BNC2: variants seen among roughly 807,000 people sequenced by gnomAD.
The protein encoded by BNC2 is zinc finger protein basonuclin-2.
Under a neutral mutation model 76.3 loss-of-function variants are expected in BNC2, and 20 were observed. The ratio of observed to expected loss-of-function variants is 0.26; its 90% CI spans 0.18 to 0.38. The LOEUF is 0.38. Among genes scored for constraint, BNC2 ranks in the 10% least tolerant of loss-of-function variants. The pLI is 1.00. For synonymous variants in BNC2, 582 were observed against 514.8 expected (o/e 1.13, Z -1.77); for missense variants, 1,382 against 1,399.8 (o/e 0.99, Z 0.20).
chr9:16,502,476 T>C (rs1030307694), intron 5 of BNC2, among the ~76,000 whole-genome samples: 10 of 152,164 alleles, frequency 6.6e-5, no homozygotes, highest in African/African-American at 2.4e-4. Context: ...TAACATTCCA[T>C]AGAATAAATG....
At chr9:16,868,488 T>C (rs1005184058) in intron 1 of BNC2, among the ~76,000 whole-genome samples, 2 of 152,190 alleles carry the variant, frequency 1.3e-5, no homozygotes, top group East Asian at 3.9e-4. Context: ...CTAATATTAA[T>C]TGTAAAATAT....
intron 5 of BNC2, among the ~76,000 whole-genome samples, chr9:16,472,432 C>G (rs1343931813): frequency 2.0e-5 from 3 of 152,184 alleles, no homozygotes; most frequent in Non-Finnish European, 1.5e-5. Context: ...AAAACATGTT[C>G]TGGTAGCTTT....
chr9:16,537,665 G>C (rs994580335), intron 5 of BNC2, among the ~76,000 whole-genome samples: 3 of 152,046 alleles, frequency 2.0e-5, no homozygotes, highest in Non-Finnish European at 4.4e-5. Context: ...TTTAACAAAA[G>C]CCAAACCTTG....
intron 1 of BNC2, among the ~76,000 whole-genome samples, chr9:16,845,140 GC>G: frequency 6.6e-6 from 1 of 152,272 alleles, no homozygotes; most frequent in Non-Finnish European, 1.5e-5. Flanking sequence ...CTGCCAGGAT[GC>G]CCCATGTTTT....
Position 16,724,057 on chromosome 9 carries a change from T to C in BNC2, c.330+3740A>G, listed in dbSNP as rs73646205. On this transcript the variant is annotated intron_variant, in intron 3 of 6. Transcript: ENST00000380672. ...CAGAGAGTCATTTATAATCCTAACT[T>C]AGTATTTCACTCAAGTATGAAAAAA... Among the ~76,000 whole-genome samples, 919 of 151,978 alleles carry C rather than the reference T, an allele frequency of 6.0e-3. 26 individuals carry two copies. The East Asian group carries it at 0.077, about 13-fold the overall frequency.
intron 1 of BNC2, among the ~76,000 whole-genome samples, chr9:16,789,459 T>C (rs981256912): frequency 1.3e-4 from 20 of 152,158 alleles, no homozygotes; most frequent in South Asian, 2.1e-4. Flanking sequence ...GGCCCATATC[T>C]TACCCTACAC....
At chr9:16,749,039 G>C (rs988092495) in intron 1 of BNC2, among the ~76,000 whole-genome samples, 16 of 130,918 alleles carry the variant, frequency 1.2e-4, no homozygotes, top group Non-Finnish European at 2.1e-4. Context: ...GCAATATATG[G>C]GGGAATGACT....
chr9:16,729,869 T>C (rs1239751232), intron 2 of BNC2, among the ~76,000 whole-genome samples: 1 of 151,910 alleles, frequency 6.6e-6, no homozygotes, highest in African/African-American at 2.4e-5. Flanking sequence ...TAATGGCTGT[T>C]ATTTGTGGGA....
chr9:16,757,668 G>C (rs10962567), intron 1 of BNC2, among the ~76,000 whole-genome samples: 33,040 of 150,954 alleles, frequency 0.22, 4,648 homozygotes, highest in East Asian at 0.76. Flanking sequence ...AACAATTATT[G>C]ACTGCCTACT....
chr9:16,771,531 T>A (rs1390348854), intron 1 of BNC2, among the ~76,000 whole-genome samples: 1 of 152,208 alleles, frequency 6.6e-6, no homozygotes, highest in Non-Finnish European at 1.5e-5. Context: ...AGGCAGAGTA[T>A]GTGTCACAGT....
At chr9:16,681,590 TCACA>T (rs746122220) in intron 3 of BNC2, among the ~76,000 whole-genome samples, 4 of 151,840 alleles carry the variant, frequency 2.6e-5, no homozygotes, top group Non-Finnish European at 4.4e-5. Context: ...ACACACAAAC[TCACA>T]CACACACTCA....
chr9:16,718,340 T>C lies in BNC2; in HGVS notation c.330+9457A>G, dbSNP rs1472398929. Among the ~76,000 whole-genome samples, 3 of 152,160 alleles carry C rather than the reference T, an allele frequency of 2.0e-5. No homozygotes were observed. In the East Asian group the frequency reaches 5.8e-4, roughly 29 times the overall value. ...TTCTTCTTATCCCTTCCTACTTACA[T>C]TATAATAGATGACAAAAATAAAGTA... On this transcript the variant is annotated intron_variant, in intron 3 of 6. Coordinates refer to ENST00000380672, the MANE Select transcript of BNC2 (RefSeq NM_017637.6).
chr9:16,740,754 G>C (rs556410294), intron 1 of BNC2, among the ~76,000 whole-genome samples: 1 of 152,254 alleles, frequency 6.6e-6, no homozygotes, highest in African/African-American at 2.4e-5. Context: ...GAGAGAAAAC[G>C]ATATTGAAGA....
chr9:16,607,149 C>T (rs1003993401), intron 3 of BNC2, among the ~76,000 whole-genome samples: 79 of 152,152 alleles, frequency 5.2e-4, no homozygotes, highest in African/African-American at 1.8e-3. Flanking sequence ...GAAACAGAGT[C>T]TCACCATGTT....
intron 3 of BNC2, among the ~76,000 whole-genome samples, chr9:16,694,074 T>A (rs142466747): frequency 6.6e-6 from 1 of 152,260 alleles, no homozygotes; most frequent in East Asian, 1.9e-4. Flanking sequence ...GGCATTTTTT[T>A]AGAAAAGAGT....
At chr9:16,734,662 A>G (rs1287017581) in intron 2 of BNC2, among the ~76,000 whole-genome samples, 2 of 152,356 alleles carry the variant, frequency 1.3e-5, no homozygotes, top group South Asian at 2.1e-4. Flanking sequence ...GGTTTTTGCC[A>G]AAGTATTGTG....
intron 2 of BNC2, among the ~76,000 whole-genome samples, chr9:16,737,245 T>G (rs1824700827): frequency 2.1e-5 from 3 of 143,668 alleles, no homozygotes; most frequent in Non-Finnish European, 3.0e-5. Context: ...GGCCTTTTTT[T>G]TTTTTTTTTT....
At chr9:16,493,950 A>G (rs1259060986) in intron 5 of BNC2, among the ~76,000 whole-genome samples, 1 of 152,146 alleles carries the variant, frequency 6.6e-6, no homozygotes, top group Non-Finnish European at 1.5e-5. Context: ...ACACGAGGGT[A>G]GAGAGGCAGG....
chr9:16,436,019 C>A lies in BNC2; in HGVS notation c.2175G>T (p.Glu725Asp), dbSNP rs761871271. Residue 725 changes from glutamate to aspartate, a missense_variant, in exon 6 of 7, where the codon GAG becomes GAT. By Grantham distance (45) the Glu-to-Asp change is conservative (BLOSUM62 2). Around this residue, in one of 3 missense-constraint regions of BNC2, gnomAD observed 798 missense variants for 775.5 expected, o/e 1.03. Transcript: ENST00000380672. The stretch of plus-strand genomic sequence containing the variant: ...CCAGTTTGGGCTCCGAAGACTCAGA[C>A]TCGTTCTCATAGTCCCGCTCAGGTT... ...DQEPERDYENESESSEPKLGE... is the reference protein window; with the variant it reads ...DQEPERDYENDSESSEPKLGE... 2 of 1,614,192 alleles carry A rather than the reference C, an allele frequency of 1.2e-6. No individual in the cohort carries two copies. Among genetic ancestry groups the A allele is most frequent in the Admixed American group, 3.3e-5 (2 of 60,024 alleles).
Sources: allele counts gnomAD v4.1 joint callset (sites outside exome capture counted in the v4.1 genomes callset), GRCh38; gene constraint gnomAD v4.1.1; regional missense constraint gnomAD v4.1.1; transcripts MANE v1.5; gene names NCBI Gene and HGNC (gene_info 2026-07-23, HGNC 2026-07-21).